Variants in CDH4 observed in about 807,000 individuals in gnomAD.
CDH4 encodes the protein cadherin 4.
A neutral mutation model predicts 86.0 loss-of-function variants in CDH4; 33 were observed. That is an observed-to-expected ratio of 0.38 (90% CI 0.29 to 0.51). The LOEUF is 0.51. Ranked by LOEUF, CDH4 falls within the 20% of genes least tolerant of loss-of-function variation. The probability of loss-of-function intolerance (pLI) is 0.86; values close to 1 mark genes in which losing one functional copy is unlikely to be tolerated. For missense variants in CDH4, 1,114 were observed against 1,307.4 expected (o/e 0.85, Z 2.28); for synonymous variants, 555 against 549.4 (o/e 1.01, Z -0.14).
At chr20:61,380,489 T>A (rs2084893782) in intron 2 of CDH4, among the ~76,000 whole-genome samples, 1 of 151,998 alleles carries the variant, frequency 6.6e-6, no homozygotes, top group Non-Finnish European at 1.5e-5. Context: ...GGCTTTCCCT[T>A]CCACGGCGCT....
chr20:61,527,888 C>T (rs1364978862), intron 2 of CDH4, among the ~76,000 whole-genome samples: 2 of 152,000 alleles, frequency 1.3e-5, no homozygotes, highest in African/African-American at 4.8e-5. Flanking sequence ...TCCCAGAACC[C>T]GGGGCACCGG....
intron 2 of CDH4, among the ~76,000 whole-genome samples, chr20:61,491,065 T>C (rs2085623390): frequency 6.6e-6 from 1 of 152,234 alleles, no homozygotes; most frequent in Admixed American, 6.5e-5. Context: ...AATAACAGAA[T>C]TTTATCATTG....
At chr20:61,932,511 A>G (rs2055123341) in intron 13 of CDH4, among the ~76,000 whole-genome samples, 1 of 152,058 alleles carries the variant, frequency 6.6e-6, no homozygotes, top group Admixed American at 6.5e-5. Flanking sequence ...CGAAGTACAC[A>G]TGGACACATG....
intron 4 of CDH4, among the ~76,000 whole-genome samples, chr20:61,779,325 T>G (rs1978407827): frequency 6.6e-6 from 1 of 152,124 alleles, no homozygotes; most frequent in African/African-American, 2.4e-5. Flanking sequence ...CAAGAAGTCA[T>G]GCAAACCCTC....
At chr20:61,322,016 G>A (rs969319986) in intron 2 of CDH4, among the ~76,000 whole-genome samples, 4 of 152,092 alleles carry the variant, frequency 2.6e-5, no homozygotes, top group African/African-American at 4.8e-5. Context: ...GCTCAGGAAG[G>A]TGACATTGAA....
chr20:61,688,549 G>A (rs374936995), intron 2 of CDH4, among the ~76,000 whole-genome samples: 20 of 152,278 alleles, frequency 1.3e-4, no homozygotes, highest in Non-Finnish European at 1.8e-4. Flanking sequence ...CCTGCTTCTC[G>A]GCCGCCTTCC....
chr20:61,363,720 G>T (rs1324367200), intron 2 of CDH4, among the ~76,000 whole-genome samples: 1 of 152,232 alleles, frequency 6.6e-6, no homozygotes, highest in Non-Finnish European at 1.5e-5. Flanking sequence ...AACGTGGCCA[G>T]AGCTCAGAGG....
chr20:61,437,866 A>G (rs1309755755), intron 2 of CDH4, among the ~76,000 whole-genome samples: 1 of 152,182 alleles, frequency 6.6e-6, no homozygotes, highest in East Asian at 1.9e-4. Flanking sequence ...AGACATTCTG[A>G]TGATGCCAGA....
rs139363364 is a variant in CDH4 at position 61,622,053 on chromosome 20, C to T, written c.170-121510C>T. 4.6e-5 allele frequency among the ~76,000 whole-genome samples: 7 copies of T among 152,346 alleles called. No homozygotes were observed. In the East Asian group the frequency reaches 7.7e-4, roughly 17 times the overall value. Reference sequence around the variant, plus strand: ...CTCACAGTTGCGTCTTGCCCTATCACGGCAGGCCTCCTATTAGGATCAATA... The same window carrying T: ...CTCACAGTTGCGTCTTGCCCTATCATGGCAGGCCTCCTATTAGGATCAATA... On this transcript the variant is annotated intron_variant, in intron 2 of 15. Coordinates refer to ENST00000614565, the MANE Select transcript of CDH4 (RefSeq NM_001794.5).
At chr20:61,757,664 A>G (rs2088582014) in intron 3 of CDH4, among the ~76,000 whole-genome samples, 1 of 152,220 alleles carries the variant, frequency 6.6e-6, no homozygotes, top group Non-Finnish European at 1.5e-5. Context: ...TCCCAAGAAG[A>G]TCTGAAGGGG....
chr20:61,386,592 G>C (rs192709740), intron 2 of CDH4, among the ~76,000 whole-genome samples: 38 of 152,324 alleles, frequency 2.5e-4, no homozygotes, highest in African/African-American at 8.9e-4. Context: ...GGTTAGAGAG[G>C]CTGGGTTACC....
intron 2 of CDH4, among the ~76,000 whole-genome samples, chr20:61,383,151 TGA>T (rs542928135): frequency 1.1e-5 from 1 of 93,202 alleles, no homozygotes; most frequent in African/African-American, 4.9e-5. Context: ...TGAATATATA[TGA>T]ATATATTATA....
intron 2 of CDH4, among the ~76,000 whole-genome samples, chr20:61,383,506 GATAT>G (rs1555844226): frequency 3.1e-5 from 2 of 63,540 alleles, no homozygotes; most frequent in Non-Finnish European, 5.7e-5. Flanking sequence ...TATTATATAT[GATAT>G]ATATGAATAT....
intron 2 of CDH4, among the ~76,000 whole-genome samples, chr20:61,440,306 TA>T (rs1326111388): frequency 6.6e-6 from 1 of 152,156 alleles, no homozygotes; most frequent in Non-Finnish European, 1.5e-5. Flanking sequence ...AGGATATTAG[TA>T]ACATTCTAGA....
At chr20:61,535,854 C>T (rs67241908) in intron 2 of CDH4, among the ~76,000 whole-genome samples, 13,659 of 152,218 alleles carry the variant, frequency 0.09, 838 homozygotes, top group East Asian at 0.34. Flanking sequence ...CCCCTGTTCC[C>T]GCTCCTGCCC....
At position 61,289,295 on chromosome 20, in the gene CDH4, C is replaced by CT. The variant is rs558918127; in HGVS notation, c.169+34359dup. ...CAGTCTATGGGTAGGGACACCAAAG[C>CT]TCACAGGATGGAGTGACCAGCCCAG... On this transcript the variant is annotated intron_variant, in intron 2 of 15. Transcript: ENST00000614565. Among the ~76,000 whole-genome samples, 28 of 152,342 alleles carry CT rather than the reference C, an allele frequency of 1.8e-4. No individual in the cohort carries two copies. The East Asian group carries it at 5.4e-3, about 29-fold the overall frequency.
intron 4 of CDH4, among the ~76,000 whole-genome samples, chr20:61,815,855 A>G (rs1264305870): frequency 1.3e-5 from 2 of 152,218 alleles, no homozygotes; most frequent in African/African-American, 4.8e-5. Flanking sequence ...GTTTGGAACC[A>G]GGACTGTGTT....
intron 3 of CDH4, among the ~76,000 whole-genome samples, chr20:61,770,029 A>C (rs532390943): frequency 2.0e-4 from 31 of 152,304 alleles, no homozygotes; most frequent in African/African-American, 7.5e-4. Flanking sequence ...TATGAGGCAC[A>C]GGCTACTGGT....
intron 2 of CDH4, among the ~76,000 whole-genome samples, chr20:61,652,278 CTTACTCCTT>C (rs765268096): frequency 3.3e-5 from 5 of 152,250 alleles, no homozygotes; most frequent in Non-Finnish European, 5.9e-5. Flanking sequence ...CTTCCACCCT[CTTACTCCTT>C]TGTATACGCA....
Sources: allele counts gnomAD v4.1 joint callset (sites outside exome capture counted in the v4.1 genomes callset), GRCh38; gene constraint gnomAD v4.1.1; transcripts MANE v1.5; gene names NCBI Gene and HGNC (gene_info 2026-07-23, HGNC 2026-07-21).